HS6ST3: variants seen among roughly 807,000 people sequenced by gnomAD.
The protein encoded by HS6ST3 is heparan-sulfate 6-O-sulfotransferase 3.
A neutral mutation model predicts 36.7 loss-of-function variants in HS6ST3; 12 were observed. The observed-to-expected ratio is 0.33, with a 90% CI of 0.21 to 0.53. The LOEUF is 0.53. HS6ST3 is among the 20% of genes least tolerant of loss of function. The probability of loss-of-function intolerance (pLI) is 0.95; values close to 1 mark genes in which losing one functional copy is unlikely to be tolerated. For missense variants in HS6ST3, 584 were observed against 640.9 expected (o/e 0.91, Z 0.96); for synonymous variants, 240 against 257.5 (o/e 0.93, Z 0.65).
intron 1 of HS6ST3, among the ~76,000 whole-genome samples, chr13:96,758,716 G>T (rs888445999): frequency 1.3e-5 from 2 of 151,730 alleles, no homozygotes; most frequent in African/African-American, 4.8e-5. Context: ...TTCCTCTGTG[G>T]TGACAGCTAT....
At chr13:96,519,291 C>T (rs1566384833) in intron 1 of HS6ST3, among the ~76,000 whole-genome samples, 2 of 152,156 alleles carry the variant, frequency 1.3e-5, no homozygotes, top group African/African-American at 2.4e-5. Context: ...GGATTGGTAT[C>T]GTGTTTCATA....
At chr13:96,699,932 T>A (rs1875240393) in intron 1 of HS6ST3, among the ~76,000 whole-genome samples, 1 of 152,202 alleles carries the variant, frequency 6.6e-6, no homozygotes, top group East Asian at 1.9e-4. Context: ...TGCTAAATAG[T>A]GCTGCTTTAT....
intron 1 of HS6ST3, among the ~76,000 whole-genome samples, chr13:96,276,457 T>C (rs1222914014): frequency 1.3e-5 from 2 of 152,206 alleles, no homozygotes; most frequent in South Asian, 2.1e-4. Flanking sequence ...CAGGTTCTTA[T>C]TGGCTGTGTG....
intron 1 of HS6ST3, among the ~76,000 whole-genome samples, chr13:96,319,657 G>T (rs1001284558): frequency 6.6e-6 from 1 of 152,116 alleles, no homozygotes; most frequent in Non-Finnish European, 1.5e-5. Flanking sequence ...GCTTTTAATT[G>T]AATTTTTGAT....
At chr13:96,641,293 T>C (rs912668089) in intron 1 of HS6ST3, among the ~76,000 whole-genome samples, 3 of 151,934 alleles carry the variant, frequency 2.0e-5, no homozygotes, top group Non-Finnish European at 4.4e-5. Context: ...ATTGGGATTG[T>C]GTTCTTGGTT....
chr13:96,370,598 T>G (rs926718940), intron 1 of HS6ST3, among the ~76,000 whole-genome samples: 1 of 152,216 alleles, frequency 6.6e-6, no homozygotes, highest in African/African-American at 2.4e-5. Context: ...AGATTTTGTC[T>G]TCATCACTCC....
At chr13:96,144,113 G>A (rs2054044888) in intron 1 of HS6ST3, among the ~76,000 whole-genome samples, 1 of 152,192 alleles carries the variant, frequency 6.6e-6, no homozygotes, top group Non-Finnish European at 1.5e-5. Context: ...ATATGATTTT[G>A]GCAAGAGCTA....
At chr13:96,480,170 G>C (rs576855253) in intron 1 of HS6ST3, among the ~76,000 whole-genome samples, 1 of 152,302 alleles carries the variant, frequency 6.6e-6, no homozygotes, top group East Asian at 1.9e-4. Flanking sequence ...CTGGAGCGCG[G>C]TGGCATGATT....
chr13:96,665,796 T>C (rs2056662165), intron 1 of HS6ST3, among the ~76,000 whole-genome samples: 1 of 152,204 alleles, frequency 6.6e-6, no homozygotes, highest in African/African-American at 2.4e-5. Context: ...AGGAATAGTT[T>C]AATACTTTAA....
chr13:96,467,952 G>A (rs532051654), intron 1 of HS6ST3, among the ~76,000 whole-genome samples: 1 of 152,270 alleles, frequency 6.6e-6, no homozygotes, highest in East Asian at 1.9e-4. Context: ...GGTATGGACT[G>A]GGAACAGCAT....
At chr13:96,398,056 A>G (rs1023727990) in intron 1 of HS6ST3, among the ~76,000 whole-genome samples, 2 of 152,164 alleles carry the variant, frequency 1.3e-5, no homozygotes, top group Non-Finnish European at 2.9e-5. Context: ...CAAGCCACTT[A>G]ACCTATCTTT....
chr13:96,416,477 T>G (rs544384586), intron 1 of HS6ST3, among the ~76,000 whole-genome samples: 1 of 152,282 alleles, frequency 6.6e-6, no homozygotes, highest in South Asian at 2.1e-4. Context: ...TATGGATACT[T>G]TTTCATTTAA....
At chr13:96,185,934 G>GAAAA (rs1201204928) in intron 1 of HS6ST3, among the ~76,000 whole-genome samples, 3 of 152,108 alleles carry the variant, frequency 2.0e-5, no homozygotes. Context: ...AAATTGTGCT[G>GAAAA]AGGTGCTAAA....
At chr13:96,551,557 C>A (rs2056219551) in intron 1 of HS6ST3, among the ~76,000 whole-genome samples, 1 of 152,092 alleles carries the variant, frequency 6.6e-6, no homozygotes, top group African/African-American at 2.4e-5. Context: ...CACAAATACA[C>A]AGAAAAATAA....
chr13:96,333,542 G>A (rs2055083818), intron 1 of HS6ST3, among the ~76,000 whole-genome samples: 1 of 152,116 alleles, frequency 6.6e-6, no homozygotes, highest in Non-Finnish European at 1.5e-5. Flanking sequence ...AGGGCTTTGG[G>A]AAAGCCTGTA....
intron 1 of HS6ST3, among the ~76,000 whole-genome samples, chr13:96,275,254 C>T (rs1435613563): frequency 1.3e-5 from 2 of 152,106 alleles, no homozygotes; most frequent in African/African-American, 4.8e-5. Context: ...ATTATCTTTA[C>T]CCCCTGCTTC....
chr13:96,782,278 C>T (rs1306216928), intron 1 of HS6ST3, among the ~76,000 whole-genome samples: 2 of 152,064 alleles, frequency 1.3e-5, no homozygotes, highest in African/African-American at 4.8e-5. Flanking sequence ...AAAAATCATC[C>T]CAGAGTTAAG....
intron 1 of HS6ST3, among the ~76,000 whole-genome samples, chr13:96,823,492 T>C (rs2138543789): frequency 6.6e-6 from 1 of 152,346 alleles, no homozygotes; most frequent in South Asian, 2.1e-4. Context: ...GTTAAAAACA[T>C]GTTATAAATA....
chr13:96,226,200 A>T (rs941637306), intron 1 of HS6ST3, among the ~76,000 whole-genome samples: 2 of 152,190 alleles, frequency 1.3e-5, no homozygotes, highest in Non-Finnish European at 2.9e-5. Context: ...TTCAAAGAGG[A>T]AATACCTTGA....
Sources: allele counts gnomAD v4.1 joint callset (sites outside exome capture counted in the v4.1 genomes callset), GRCh38; gene constraint gnomAD v4.1.1; transcripts MANE v1.5; gene names NCBI Gene and HGNC (gene_info 2026-07-23, HGNC 2026-07-21).